The following DEF8 variants were observed in gnomAD, a reference collection of about 807,000 sequenced individuals.
DEF8 encodes the protein differentially expressed in FDCP 8 homolog, also known as DEF-8.
A neutral mutation model predicts 59.1 loss-of-function variants in DEF8; 38 were observed. The ratio of observed to expected loss-of-function variants is 0.64; its 90% confidence interval spans 0.50 to 0.84. The LOEUF is 0.84. Ranked by LOEUF, DEF8 falls within the 40% of genes least tolerant of loss-of-function variation. DEF8 has a pLI of 0.00. For synonymous variants in DEF8, 265 were observed against 250.1 expected, an observed-to-expected ratio of 1.06 and a Z score of -0.56; for missense variants, 557 against 615.2, an observed-to-expected ratio of 0.91 and a Z score of 1.00.
rs758718034 is a variant in DEF8, at chr16:89,948,824, GCGGGGCCGGCGGGGT to G, written c.-108+25_-108+39del. On this transcript the variant is annotated intron_variant, in intron 1 of 12. Coordinates refer to ENST00000563594, the MANE Select transcript of DEF8 (RefSeq NM_001242818.2). Reference sequence around the variant, plus strand: ...GCGAGGCGGCGGTCAGGTGAGCGGCGCGGGGCCGGCGGGGTCGGGGCCGGCGGGGACGGGGCCGGC... The same window carrying G: ...GCGAGGCGGCGGTCAGGTGAGCGGCGCGGGGCCGGCGGGGACGGGGCCGGC... The G allele has an allele frequency of 4.5e-4, 438 of 970,782 alleles. 53 individuals carry two copies. The highest frequency in any genetic ancestry group is 4.4e-3 in the African/African-American group (222 of 49,984). The allele number at this position is 970,782 out of a possible 1,614,324, so 60.1% of individuals were successfully genotyped here. A position where few individuals can be genotyped will look rare whatever the true frequency, so the allele number is the denominator to read the frequency against.
intron 10 of DEF8, chr16:89,963,648 C>G (rs1319149875): frequency 5.2e-6 from 3 of 573,032 alleles, no homozygotes; most frequent in Admixed American, 3.2e-5. Flanking sequence ...ACCCTGCAGC[C>G]CTTATGTGAA....
In DEF8 at chr16:89,963,237, C is replaced by G. The variant is rs144445236; in HGVS notation, c.922-126C>G. On this transcript the variant is annotated intron_variant, in intron 9 of 12. Transcript: ENST00000563594. The stretch of plus-strand genomic sequence containing the variant: ...TGATTTTGGGTTTTGGTGAAGCACT[C>G]AGATCTCGGCCCTTCGTGGGGAACC... The G allele has an allele frequency of 3.7e-4, 253 of 690,266 alleles. 2 individuals are homozygous for G. The African/African-American group carries it at 4.2e-3, about 12-fold the overall frequency. 42.8% of individuals were successfully genotyped at this position (690,266 alleles called of 1,614,324 possible).
chr16:89,959,092 C>G lies in DEF8; in HGVS notation c.451C>G (p.Gln151Glu). The G allele has an allele frequency of 1.2e-6, 2 of 1,613,900 alleles. No homozygotes were observed. The highest frequency in any genetic ancestry group is 1.1e-5 in the South Asian group (1 of 91,084). Residue 151 changes from glutamine (Q) to glutamate (E), a missense_variant, in exon 6 of 13, where the codon CAG becomes GAG. By Grantham distance (29) the Gln-to-Glu change is conservative (BLOSUM62 2). Transcript: ENST00000563594. ...FYKEKSKSVKQTCDKCNTIIW... is the reference protein window; with the variant it reads ...FYKEKSKSVKETCDKCNTIIW... ...CAAGGAGAAGAGCAAGAGCGTCAAG[C>G]AGACCTGTGACAAGTGTAACACCAT...
Position 89,967,163 on chromosome 16 carries a change from G to A in DEF8, c.*1200G>A. 1 of 397,632 alleles carries A rather than the reference G, an allele frequency of 2.5e-6. No individual in the cohort carries two copies. The highest frequency in any genetic ancestry group is 3.6e-5 in the East Asian group (1 of 28,046). The allele number at this position is 397,632 out of a possible 1,614,324, so 24.6% of individuals were successfully genotyped here. On this transcript the variant is annotated 3_prime_UTR_variant, in exon 13 of 13. Transcript: ENST00000563594. ...GTGGCTTCCCAGCCTTCTGCCTTGG[G>A]CAGTGGGGGTGCTCCTGTCTGTCCT...
intron 10 of DEF8, 67 bp from the exon 11 acceptor site, chr16:89,964,103 G>T: frequency 6.2e-7 from 1 of 1,607,918 alleles, no homozygotes; most frequent in South Asian, 1.1e-5. Context: ...CCACTGCAGC[G>T]ACCATGGGTG....
intron 2 of DEF8, among the ~76,000 whole-genome samples, chr16:89,949,889 C>T (rs915797876): frequency 1.3e-5 from 2 of 152,180 alleles, no homozygotes; most frequent in Non-Finnish European, 2.9e-5. Context: ...GTGAGAGGGG[C>T]AGGCTGGCGT....
At chr16:89,953,933 T>C (rs3803687) in intron 2 of DEF8, among the ~76,000 whole-genome samples, 38,420 of 151,968 alleles carry the variant, frequency 0.25, 5,344 homozygotes, top group African/African-American at 0.38. Context: ...TCTGCAACAT[T>C]GGGCAAGAGG....
At chr16:89,963,260 A>C in intron 9 of DEF8, 103 bp from the exon 10 acceptor site, 1 of 931,510 alleles carries the variant, frequency 1.1e-6, no homozygotes, top group Non-Finnish European at 1.6e-6. Flanking sequence ...TTCGTGGGGA[A>C]CCAACCCCTC....
rs4303487 is a variant in DEF8 at position 89,966,847 on chromosome 16, C to G, written c.*884C>G. On this transcript the variant is annotated 3_prime_UTR_variant, in exon 13 of 13. Coordinates refer to ENST00000563594, the MANE Select transcript of DEF8 (RefSeq NM_001242818.2). ...TGGCATTTCTTGGAACCAGATTTAC[C>G]TGAGGAGCTCTGTCCTGCTCCCTGT... 16,401 of 155,136 alleles carry G rather than the reference C, an allele frequency of 0.11. 2,383 individuals carry two copies. Among genetic ancestry groups the G allele is most frequent in the African/African-American group, 0.33 (13,828 of 41,584 alleles). The allele number at this position is 155,136 out of a possible 1,614,324, so 9.6% of individuals were successfully genotyped here. A position where few individuals can be genotyped will look rare whatever the true frequency, so the allele number is the denominator to read the frequency against.
At chr16:89,959,266 A>G in intron 6 of DEF8, 111 bp downstream of exon 6, 1 of 1,552,176 alleles carries the variant, frequency 6.4e-7, no homozygotes, top group Non-Finnish European at 8.7e-7. Context: ...CTAGCCAAAC[A>G]TGGCCAGTCA....
intron 4 of DEF8, among the ~76,000 whole-genome samples, chr16:89,957,093 T>C (rs1200707249): frequency 6.6e-6 from 1 of 152,252 alleles, no homozygotes; most frequent in Non-Finnish European, 1.5e-5. Flanking sequence ...GCTCTCGGCA[T>C]GTGCTTGGGC....
At chr16:89,959,370 T>C in intron 6 of DEF8, 1 of 1,432,054 alleles carries the variant, frequency 7.0e-7, no homozygotes, top group Non-Finnish European at 9.1e-7. Context: ...AATTACATGG[T>C]GTGTCTAGTT....
chr16:89,966,033 T>G lies in DEF8; in HGVS notation c.*70T>G. On this transcript the variant is annotated 3_prime_UTR_variant, in exon 13 of 13. Coordinates refer to ENST00000563594, the MANE Select transcript of DEF8 (RefSeq NM_001242818.2). ...CACCCTGCCAACATCAAGTTGTTCCTTCTGCTCCGGAGACCCCTGGGGTGC... is the reference window on the plus strand; with the variant it reads ...CACCCTGCCAACATCAAGTTGTTCCGTCTGCTCCGGAGACCCCTGGGGTGC... The G allele has an allele frequency of 7.9e-7, 1 of 1,273,542 alleles. No individual in the cohort carries two copies. Among genetic ancestry groups the G allele is most frequent in the Non-Finnish European group, 1.1e-6 (1 of 896,172 alleles). 78.9% of individuals were successfully genotyped at this position (1,273,542 alleles called of 1,614,324 possible).
intron 4 of DEF8, among the ~76,000 whole-genome samples, chr16:89,957,050 A>C (rs1347191110): frequency 6.6e-6 from 1 of 152,130 alleles, no homozygotes; most frequent in African/African-American, 2.4e-5. Context: ...CCTGGTCGCT[A>C]TGTGGCGAAA....
intron 1 of DEF8, among the ~76,000 whole-genome samples, chr16:89,949,172 G>A (rs2031448954): frequency 6.6e-6 from 1 of 151,162 alleles, no homozygotes; most frequent in South Asian, 2.1e-4. Flanking sequence ...CGAGACCTCG[G>A]CCGCCCCACC....
At chr16:89,956,118 C>G (rs1022170757) in intron 4 of DEF8, among the ~76,000 whole-genome samples, 1 of 151,120 alleles carries the variant, frequency 6.6e-6, no homozygotes, top group Non-Finnish European at 1.5e-5. Flanking sequence ...TGCAAACCAT[C>G]TCCAACTTTT....
chr16:89,967,371 G>C lies in DEF8; in HGVS notation c.*1408G>C. The C allele has an allele frequency of 2.5e-6, 1 of 398,658 alleles. No homozygotes were observed. Among genetic ancestry groups the C allele is most frequent in the Non-Finnish European group, 4.4e-6 (1 of 226,084 alleles). The allele number at this position is 398,658 out of a possible 1,614,324, so 24.7% of individuals were successfully genotyped here. A position where few individuals can be genotyped will look rare whatever the true frequency, so the allele number is the denominator to read the frequency against. Reference sequence around the variant, plus strand: ...GGCTCATTCCAGGAGTGGGAGAGACGGCAGGGTCTCCTCTTTGTCCTCCGG... The same window carrying C: ...GGCTCATTCCAGGAGTGGGAGAGACCGCAGGGTCTCCTCTTTGTCCTCCGG... On this transcript the variant is annotated 3_prime_UTR_variant, in exon 13 of 13. Coordinates refer to ENST00000563594, the MANE Select transcript of DEF8 (RefSeq NM_001242818.2).
At chr16:89,961,671 T>G in intron 7 of DEF8, 66 bp from the exon 8 acceptor site, 73 of 1,594,488 alleles carry the variant, frequency 4.6e-5, no homozygotes, top group Non-Finnish European at 5.6e-5. Flanking sequence ...GGACAGACCA[T>G]GAGGCTGGAA....
chr16:89,954,569 C>A lies in DEF8; in HGVS notation c.124+193C>A, dbSNP rs2032799238. Among the ~76,000 whole-genome samples the A allele has an allele frequency of 6.6e-6, 1 of 152,230 alleles. No homozygotes were observed. Among genetic ancestry groups the A allele is most frequent in the Admixed American group, 6.5e-5 (1 of 15,284 alleles). The stretch of plus-strand genomic sequence containing the variant: ...CTGTGTCCCCACTAGAATTCACATT[C>A]CTGAGGGCAAGATTTGTGCCTGACC... On this transcript the variant is annotated intron_variant, in intron 3 of 12. Transcript: ENST00000563594. This position sits in a 1 kb window ranked among gnomAD's most constrained non-coding sequence, Gnocchi z 4.3.
Sources: allele counts gnomAD v4.1 joint callset (sites outside exome capture counted in the v4.1 genomes callset), GRCh38; gene constraint gnomAD v4.1.1; non-coding constraint Gnocchi (gnomAD v3.1); transcripts MANE v1.5; gene names NCBI Gene and HGNC (gene_info 2026-07-23, HGNC 2026-07-21).